CSMD1: variants seen among roughly 807,000 people sequenced by gnomAD.
CSMD1 encodes the protein CUB and sushi domain-containing protein 1.
CSMD1 carries 213 observed loss-of-function variants against 417.5 expected under a neutral mutation model. That is an observed-to-expected ratio of 0.51 (90% CI 0.46 to 0.57). The LOEUF is 0.57. Ranked by LOEUF, CSMD1 falls within the 20% of genes least tolerant of loss-of-function variation. The pLI is 0.00. For synonymous variants in CSMD1, 2,862 were observed against 1,736.8 expected, an observed-to-expected ratio of 1.65 and a Z score of -16.11; for missense variants, 6,923 against 4,529.7, an observed-to-expected ratio of 1.53 and a Z score of -15.17.
intron 1 of CSMD1, among the ~76,000 whole-genome samples, chr8:4,744,856 C>A (rs1051508907): frequency 1.3e-5 from 2 of 152,088 alleles, no homozygotes; most frequent in Non-Finnish European, 2.9e-5. Flanking sequence ...ATTTAGTAGT[C>A]TCAGACATTA....
chr8:4,429,379 C>G (rs181362423), intron 2 of CSMD1, among the ~76,000 whole-genome samples: 57 of 152,138 alleles, frequency 3.7e-4, no homozygotes, highest in African/African-American at 1.3e-3. Context: ...ACACACACAT[C>G]TACATATACA....
chr8:3,807,665 A>C (rs1281134011), intron 5 of CSMD1, among the ~76,000 whole-genome samples: 1 of 152,158 alleles, frequency 6.6e-6, no homozygotes, highest in African/African-American at 2.4e-5. Context: ...ATTCACCTAC[A>C]CATCTCTATA....
At chr8:3,611,640 C>T (rs1392623898) in intron 8 of CSMD1, among the ~76,000 whole-genome samples, 3 of 151,988 alleles carry the variant, frequency 2.0e-5, no homozygotes, top group Non-Finnish European at 4.4e-5. Flanking sequence ...TTTTCAAAAG[C>T]TGGTATCTAT....
At chr8:3,880,480 T>C (rs940318177) in intron 5 of CSMD1, among the ~76,000 whole-genome samples, 3 of 152,220 alleles carry the variant, frequency 2.0e-5, no homozygotes, top group Non-Finnish European at 4.4e-5. Flanking sequence ...CTGCTTCACT[T>C]TATTTCCTTA....
intron 1 of CSMD1, among the ~76,000 whole-genome samples, chr8:4,780,568 T>A (rs1474621705): frequency 6.7e-6 from 1 of 149,926 alleles, no homozygotes; most frequent in East Asian, 2.2e-4. Flanking sequence ...TATTATTATT[T>A]ATATTTATTT....
chr8:4,308,445 G>C (rs752602971), intron 3 of CSMD1, among the ~76,000 whole-genome samples: 7 of 152,080 alleles, frequency 4.6e-5, no homozygotes, highest in African/African-American at 9.7e-5. Context: ...GGGAAAAAAG[G>C]TTTAGAAAAG....
intron 5 of CSMD1, among the ~76,000 whole-genome samples, chr8:3,912,496 A>G (rs1450630794): frequency 6.6e-6 from 1 of 152,160 alleles, no homozygotes; most frequent in African/African-American, 2.4e-5. Flanking sequence ...CTCAAGTGAA[A>G]CATATTGCAT....
At chr8:4,699,615 T>C (rs112446903) in intron 1 of CSMD1, among the ~76,000 whole-genome samples, 1,937 of 152,308 alleles carry the variant, frequency 0.013, 34 homozygotes, top group African/African-American at 0.044. Context: ...TTGGCATTTA[T>C]TTGTTGAGAT....
intron 4 of CSMD1, among the ~76,000 whole-genome samples, chr8:4,008,098 A>C (rs535386889): frequency 1.3e-5 from 2 of 152,304 alleles, no homozygotes; most frequent in Non-Finnish European, 2.9e-5. Context: ...TTTTAAACTC[A>C]CCAGAGCTGC....
At chr8:3,968,634 A>G (rs1431169964) in intron 5 of CSMD1, among the ~76,000 whole-genome samples, 4 of 152,200 alleles carry the variant, frequency 2.6e-5, no homozygotes, top group Admixed American at 2.6e-4. Flanking sequence ...CATAGAACAC[A>G]GTCTGAGGCT....
intron 5 of CSMD1, among the ~76,000 whole-genome samples, chr8:3,947,854 C>T (rs1811340393): frequency 1.3e-5 from 2 of 152,116 alleles, no homozygotes; most frequent in South Asian, 4.1e-4. Flanking sequence ...CTAACAAAAC[C>T]TCCACAGCCT....
chr8:3,426,799 T>C (rs1180725659), intron 12 of CSMD1, among the ~76,000 whole-genome samples: 1 of 152,214 alleles, frequency 6.6e-6, no homozygotes, highest in South Asian at 2.1e-4. Context: ...GCCCAGTTAG[T>C]TTCCTCATGT....
chr8:4,295,818 G>C (rs1158048537), intron 3 of CSMD1, among the ~76,000 whole-genome samples: 1 of 136,084 alleles, frequency 7.3e-6, no homozygotes, highest in Non-Finnish European at 1.6e-5. Flanking sequence ...AAAATTTAAA[G>C]TTAATTCTCC....
intron 3 of CSMD1, among the ~76,000 whole-genome samples, chr8:4,050,916 G>T (rs774874268): frequency 1.3e-5 from 2 of 152,074 alleles, no homozygotes; most frequent in African/African-American, 4.8e-5. Flanking sequence ...CGTGAGTCTT[G>T]AAGTGACCTA....
intron 51 of CSMD1, among the ~76,000 whole-genome samples, chr8:3,022,323 G>A (rs1395456321): frequency 2.1e-5 from 3 of 145,620 alleles, no homozygotes; most frequent in East Asian, 4.2e-4. Flanking sequence ...GAATGCACCC[G>A]CAATCCCACA....
chr8:3,237,585 T>C (rs1476605853), intron 26 of CSMD1, among the ~76,000 whole-genome samples: 2 of 145,750 alleles, frequency 1.4e-5, no homozygotes, highest in African/African-American at 2.5e-5. Context: ...TTTTTATACT[T>C]ATACTATAAA....
chr8:4,390,801 A>C (rs1379915319), intron 3 of CSMD1, among the ~76,000 whole-genome samples: 1 of 152,108 alleles, frequency 6.6e-6, no homozygotes, highest in African/African-American at 2.4e-5. Context: ...TCAGCCTCCC[A>C]AAGTGCTGGG....
Position 4,137,406 on chromosome 8 carries a change from G to T in CSMD1, c.416-105307C>A, listed in dbSNP as rs62501081. On this transcript the variant is annotated intron_variant, in intron 3 of 69. Transcript: ENST00000635120. ...GATTAATGAAGAACAGAAAACAAAA[G>T]TTATCGCTTGTGTTTAATAATGAAA... is the stretch of plus-strand genomic sequence containing the variant. Among the ~76,000 whole-genome samples the T allele has an allele frequency of 5.8e-4, 45 of 77,810 alleles. 4 individuals are homozygous for T. The highest frequency in any genetic ancestry group is 1.3e-3 in the African/African-American group (45 of 34,022). 51.0% of individuals were successfully genotyped at this position (77,810 alleles called of 152,430 possible).
intron 3 of CSMD1, among the ~76,000 whole-genome samples, chr8:4,305,120 T>C (rs1276577777): frequency 1.3e-5 from 2 of 152,320 alleles, no homozygotes; most frequent in African/African-American, 4.8e-5. Context: ...ATTTCAAAAA[T>C]AATATTGCGG....
Sources: gnomAD v4.1 joint callset for allele counts (sites outside exome capture counted in the v4.1 genomes callset) on GRCh38, gnomAD v4.1.1 for gene constraint, MANE v1.5 for transcripts, NCBI Gene and HGNC (gene_info 2026-07-23, HGNC 2026-07-21) for gene names.